Variants in MECOM observed in about 807,000 individuals in gnomAD.
MECOM encodes the protein MDS1 and EVI1 complex locus.
A neutral mutation model predicts 116.3 loss-of-function variants in MECOM; 13 were observed. The ratio of observed to expected loss-of-function variants is 0.11; its 90% confidence interval spans 0.07 to 0.18. MECOM has a LOEUF of 0.18. Among genes scored for constraint, MECOM ranks in the 10% least tolerant of loss-of-function variants. The pLI is 1.00. For synonymous variants in MECOM, 528 were observed against 535.2 expected, an observed-to-expected ratio of 0.99 and a Z score of 0.19; for missense variants, 1,299 against 1,509.0, an observed-to-expected ratio of 0.86 and a Z score of 2.31.
intron 7 of MECOM, among the ~76,000 whole-genome samples, chr3:169,118,992 G>A (rs1047706166): frequency 3.9e-5 from 6 of 152,190 alleles, no homozygotes; most frequent in African/African-American, 1.4e-4. Context: ...TAAGGAATTA[G>A]CCAGCAGTTA....
At chr3:169,126,420 T>C (rs2149163964) in intron 5 of MECOM, among the ~76,000 whole-genome samples, 1 of 152,220 alleles carries the variant, frequency 6.6e-6, no homozygotes, top group African/African-American at 2.4e-5. Flanking sequence ...TATTTTTTCC[T>C]ACTCATTTGT....
chr3:169,364,190 A>C (rs1208844327), intron 2 of MECOM, among the ~76,000 whole-genome samples: 1 of 152,002 alleles, frequency 6.6e-6, no homozygotes, highest in African/African-American at 2.4e-5. Flanking sequence ...CATTCCACAG[A>C]GTTCCAATGA....
chr3:169,520,295 A>C (rs1034190349), intron 1 of MECOM, among the ~76,000 whole-genome samples: 2 of 152,202 alleles, frequency 1.3e-5, no homozygotes, highest in African/African-American at 4.8e-5. Flanking sequence ...AGTAAATTTG[A>C]ATTGGGCATT....
chr3:169,085,888 C>T (rs1475102878), intron 16 of MECOM, among the ~76,000 whole-genome samples: 1 of 152,174 alleles, frequency 6.6e-6, no homozygotes, highest in African/African-American at 2.4e-5. Context: ...TGTAAGTGAA[C>T]TTTTCACTGT....
chr3:169,146,689 CT>C (rs1740056237), intron 2 of MECOM: 5 of 1,282,700 alleles, frequency 3.9e-6, no homozygotes, highest in African/African-American at 1.5e-5. Flanking sequence ...ATCGCCCAGA[CT>C]TTTTTTCCTT....
At chr3:169,433,229 G>T (rs1741936236) in intron 1 of MECOM, among the ~76,000 whole-genome samples, 1 of 152,180 alleles carries the variant, frequency 6.6e-6, no homozygotes, top group Non-Finnish European at 1.5e-5. Flanking sequence ...AGCACTTTGG[G>T]AGGCCAAGGC....
intron 2 of MECOM, chr3:169,147,437 G>C: frequency 1.0e-6 from 1 of 985,460 alleles, no homozygotes; most frequent in Non-Finnish European, 1.2e-6. Context: ...GGGCGAGGGA[G>C]AAAGGGAGCT....
chr3:169,480,596 A>T (rs911730824), intron 1 of MECOM, among the ~76,000 whole-genome samples: 2 of 151,858 alleles, frequency 1.3e-5, no homozygotes, highest in East Asian at 1.9e-4. Context: ...TTTTCCTTCC[A>T]CTAGTCAAAG....
At chr3:169,557,475 A>G (rs1055939970) in intron 1 of MECOM, among the ~76,000 whole-genome samples, 1 of 152,212 alleles carries the variant, frequency 6.6e-6, no homozygotes, top group African/African-American at 2.4e-5. Context: ...TACTTCACCA[A>G]TTTGAACACC....
intron 2 of MECOM, among the ~76,000 whole-genome samples, chr3:169,275,047 A>G (rs1577552517): frequency 6.6e-6 from 1 of 152,214 alleles, no homozygotes; most frequent in East Asian, 1.9e-4. Flanking sequence ...GGCAATAACT[A>G]GGCTAGGTAG....
At chr3:169,180,200 A>G (rs1745760184) in intron 2 of MECOM, among the ~76,000 whole-genome samples, 2 of 152,158 alleles carry the variant, frequency 1.3e-5, no homozygotes, top group Admixed American at 6.6e-5. Flanking sequence ...CATTTAGAAA[A>G]TTATTTGTAT....
chr3:169,126,444 AT>A (rs199973685), intron 5 of MECOM, among the ~76,000 whole-genome samples: 1 of 151,698 alleles, frequency 6.6e-6, no homozygotes, highest in Non-Finnish European at 1.5e-5. Context: ...TGTTAGCTTC[AT>A]TTTTTTTAAA....
chr3:169,483,196 ATTTTTATTTTTTTT>A (rs1173164280), intron 1 of MECOM, among the ~76,000 whole-genome samples: 1 of 104,714 alleles, frequency 9.5e-6, no homozygotes, highest in Non-Finnish European at 2.0e-5. Context: ...TTTTATTTTT[ATTTTTATTTTTTTT>A]TTTTTTTTGC....
chr3:169,132,597 A>G (rs1483857754), intron 3 of MECOM, among the ~76,000 whole-genome samples: 1 of 152,138 alleles, frequency 6.6e-6, no homozygotes, highest in Non-Finnish European at 1.5e-5. Context: ...GACCAATTAT[A>G]TTATACCACA....
rs770691448 is a variant in MECOM at position 169,116,377 on chromosome 3, A to G, written c.1495T>C (p.Leu499=). 6.2e-7 allele frequency: 1 copy of G among 1,614,230 alleles called. No individual in the cohort carries two copies. The highest frequency in any genetic ancestry group is 8.5e-7 in the Non-Finnish European group (1 of 1,180,044). The stretch of plus-strand genomic sequence containing the variant: ...GGTATCAAAGGAGGCCTGTGGTACA[A>G]GCCGGAAGGAAACAGACCAGGGAAG... ...FSFPGLFPSG[L]YHRPPLIPAS... is the part of the protein sequence containing the mutation. The change falls in exon 8 of 17, where the codon TTG becomes CTG. Residue 499 remains leucine, a synonymous_variant. Coordinates refer to ENST00000651503, the MANE Select transcript of MECOM (RefSeq NM_004991.4).
chr3:169,179,234 G>A (rs758257454), intron 2 of MECOM, among the ~76,000 whole-genome samples: 3 of 152,158 alleles, frequency 2.0e-5, no homozygotes, highest in Non-Finnish European at 4.4e-5. Context: ...AAGACCACAA[G>A]TAGGCCTTTG....
chr3:169,512,703 G>A (rs1756128229), intron 1 of MECOM, among the ~76,000 whole-genome samples: 1 of 152,066 alleles, frequency 6.6e-6, no homozygotes, highest in Non-Finnish European at 1.5e-5. Flanking sequence ...GAATAAACTT[G>A]GTGAAATCAC....
chr3:169,263,041 C>T (rs1467065644), intron 2 of MECOM, among the ~76,000 whole-genome samples: 1 of 124,078 alleles, frequency 8.1e-6, no homozygotes, highest in Non-Finnish European at 1.6e-5. Context: ...ATGAGCTGAA[C>T]TTAAACTAGC....
intron 1 of MECOM, among the ~76,000 whole-genome samples, chr3:169,560,157 T>C (rs1199030827): frequency 6.6e-6 from 1 of 152,170 alleles, no homozygotes; most frequent in East Asian, 1.9e-4. Flanking sequence ...CTTATAAGTG[T>C]TTAAGAATCA....
Sources: allele counts gnomAD v4.1 joint callset (sites outside exome capture counted in the v4.1 genomes callset), GRCh38; gene constraint gnomAD v4.1.1; transcripts MANE v1.5; gene names NCBI Gene and HGNC (gene_info 2026-07-23, HGNC 2026-07-21).